Variants in TBL1X observed in about 807,000 individuals in gnomAD.
TBL1X encodes F-box-like/WD repeat-containing protein TBL1X.
A neutral mutation model predicts 50.7 loss-of-function variants in TBL1X; 10 were observed. The observed-to-expected ratio is 0.20, with a 90% CI of 0.12 to 0.33. The LOEUF (loss-of-function observed/expected upper bound fraction) is 0.33, where lower values mean the gene tolerates loss of function less well. TBL1X is among the 10% of genes least tolerant of loss of function. The pLI is 1.00. For synonymous variants in TBL1X, 190 were observed against 214.7 expected (o/e 0.88, Z 1.01); for missense variants, 340 against 504.4 (o/e 0.67, Z 3.12).
intron 9 of TBL1X, 56 bp downstream of exon 9, chrX:9,692,310 A>G: frequency 8.8e-7 from 1 of 1,142,144 alleles, no homozygotes; most frequent in South Asian, 2.2e-5. Context: ...GCCAGCCACC[A>G]GGCAGGGGCT....
At chrX:9,697,512 C>G in intron 12 of TBL1X, 83 bp downstream of exon 12, 5 of 1,162,321 alleles carry the variant, frequency 4.3e-6, no homozygotes, top group Non-Finnish European at 5.8e-6. Flanking sequence ...TGGCTTACGC[C>G]TGTAATCCCA....
At chrX:9,530,184 G>A (rs2082153153) in intron 2 of TBL1X, among the ~76,000 whole-genome samples, 1 of 112,009 alleles carries the variant, frequency 8.9e-6, no homozygotes, top group Non-Finnish European at 1.9e-5. Flanking sequence ...GCATTTATAA[G>A]CCAGGTGGCA....
At chrX:9,660,143 C>T (rs1258124123) in intron 5 of TBL1X, among the ~76,000 whole-genome samples, 2 of 112,934 alleles carry the variant, frequency 1.8e-5, no homozygotes, top group African/African-American at 3.2e-5. Flanking sequence ...GGCCCTGTGG[C>T]GGCCACGAAA....
intron 7 of TBL1X, among the ~76,000 whole-genome samples, chrX:9,690,794 T>C (rs897125369): frequency 3.6e-5 from 4 of 111,600 alleles, no homozygotes; most frequent in African/African-American, 1.3e-4. Context: ...AGTGGCACAA[T>C]CATAGCTCAC....
rs1411366348 is a variant in TBL1X at position 9,709,116 on chromosome X, T to C, written c.1237-132T>C. 8.9e-6 allele frequency: 5 copies of C among 563,234 alleles called. No homozygotes were observed. In the Admixed American group the frequency reaches 1.1e-4, roughly 12 times the overall value. 46.4% of individuals were successfully genotyped at this position (563,234 alleles called of 1,213,427 possible). Reference sequence around the variant, plus strand: ...GGAAACTAGATGGCTGGTTGGGCTGTGCCCTTTGATGTCAGGCTGAAGCCG... The same window carrying C: ...GGAAACTAGATGGCTGGTTGGGCTGCGCCCTTTGATGTCAGGCTGAAGCCG... On this transcript the variant is annotated intron_variant, in intron 13 of 17. Coordinates refer to ENST00000645353, the MANE Select transcript of TBL1X (RefSeq NM_005647.4).
chrX:9,551,031 G>T (rs2082268453), intron 2 of TBL1X, among the ~76,000 whole-genome samples: 1 of 111,217 alleles, frequency 9.0e-6, no homozygotes, highest in Non-Finnish European at 1.9e-5. Context: ...CTGCCTCGGG[G>T]GATGTGTAGG....
At chrX:9,537,230 CT>C (rs1256214171) in intron 2 of TBL1X, among the ~76,000 whole-genome samples, 1 of 111,378 alleles carries the variant, frequency 9.0e-6, no homozygotes, top group Non-Finnish European at 1.9e-5. Context: ...TTAAAAGGTC[CT>C]GATATTCTTG....
chrX:9,675,805 C>T lies in TBL1X; in HGVS notation c.212-8238C>T, dbSNP rs376486179. Among the ~76,000 whole-genome samples the T allele has an allele frequency of 4.9e-4, 53 of 108,008 alleles. 2 individuals are homozygous for T. In the East Asian group the frequency reaches 0.011, roughly 23 times the overall value. 93.8% of individuals were successfully genotyped at this position (108,008 alleles called of 115,157 possible). A position where few individuals can be genotyped will look rare whatever the true frequency, so the allele number is the denominator to read the frequency against. On this transcript the variant is annotated intron_variant, in intron 5 of 17. Transcript: ENST00000645353. ...ATTCGAGAGGCTGAGGCAGGAGAAT[C>T]GCTTGAACCTGCGAGGCGGAGGTTG...
chrX:9,507,565 A>G (rs192304625), intron 2 of TBL1X, among the ~76,000 whole-genome samples: 3 of 112,410 alleles, frequency 2.7e-5, no homozygotes, highest in East Asian at 2.8e-4. Flanking sequence ...TACCATTGAC[A>G]TTCTTCACAG....
At chrX:9,639,473 T>C (rs1010471679) in intron 2 of TBL1X, among the ~76,000 whole-genome samples, 2 of 112,111 alleles carry the variant, frequency 1.8e-5, no homozygotes, top group Non-Finnish European at 1.9e-5. Flanking sequence ...AGAAATTTTA[T>C]AAGGTAAATA....
At position 9,563,028 on chromosome X, in the gene TBL1X, G is replaced by A. The variant is rs1348085405; in HGVS notation, c.-131+61179G>A. ...TATATCTGTGGTATTTATGGAATGA[G>A]TGAAACATGCAAGGAGAATGCCCTG... On this transcript the variant is annotated intron_variant, in intron 2 of 17. Transcript: ENST00000645353. 2.7e-5 allele frequency among the ~76,000 whole-genome samples: 3 copies of A among 112,541 alleles called. No individual in the cohort carries two copies. The East Asian group carries it at 8.4e-4, about 31-fold the overall frequency.
rs1214127364 is a variant in TBL1X, at chrX:9,591,725, A to T, written c.-130-48548A>T. Among the ~76,000 whole-genome samples the T allele has an allele frequency of 2.7e-5, 3 of 111,603 alleles. No homozygotes were observed. In the South Asian group the frequency reaches 1.1e-3, roughly 43 times the overall value. The stretch of plus-strand genomic sequence containing the variant: ...CCAGAGCTCAGAGAGGTGACACCTG[A>T]GCCAAGTGACACACACATGATAAAG... On this transcript the variant is annotated intron_variant, in intron 2 of 17. Coordinates refer to ENST00000645353, the MANE Select transcript of TBL1X (RefSeq NM_005647.4).
chrX:9,486,519 C>CTA (rs766771477), intron 1 of TBL1X, among the ~76,000 whole-genome samples: 10 of 110,979 alleles, frequency 9.0e-5, no homozygotes, highest in Non-Finnish European at 1.9e-4. Flanking sequence ...TAAGCATGAG[C>CTA]TACCAGGCCT....
chrX:9,627,345 T>C (rs1268975272), intron 2 of TBL1X, among the ~76,000 whole-genome samples: 1 of 112,097 alleles, frequency 8.9e-6, no homozygotes, highest in African/African-American at 3.2e-5. Flanking sequence ...ATCTGAATTT[T>C]ACATAATGAG....
chrX:9,526,843 G>C (rs1278769546), intron 2 of TBL1X, among the ~76,000 whole-genome samples: 1 of 112,020 alleles, frequency 8.9e-6, no homozygotes, highest in Non-Finnish European at 1.9e-5. Context: ...GGGGAAAGTT[G>C]CTTTCTGCCC....
intron 5 of TBL1X, among the ~76,000 whole-genome samples, chrX:9,676,701 ATGT>A (rs1396323443): frequency 8.9e-6 from 1 of 112,250 alleles, no homozygotes; most frequent in Non-Finnish European, 1.9e-5. Flanking sequence ...CTGTAGCAAA[ATGT>A]TGTTGGAGGT....
At chrX:9,683,991 C>T in intron 5 of TBL1X, 52 bp from the exon 6 acceptor site, 1 of 1,209,856 alleles carries the variant, frequency 8.3e-7, no homozygotes, top group Non-Finnish European at 1.1e-6. Context: ...GGCTGCACCT[C>T]CCTCCTTCAA....
chrX:9,696,441 A>T (rs1239260323), intron 11 of TBL1X, among the ~76,000 whole-genome samples: 11 of 113,036 alleles, frequency 9.7e-5, no homozygotes, highest in African/African-American at 3.5e-4. Flanking sequence ...TTTCCAATTA[A>T]GTTGAAAATT....
intron 2 of TBL1X, among the ~76,000 whole-genome samples, chrX:9,543,430 C>T (rs777425735): frequency 2.7e-5 from 3 of 111,351 alleles, no homozygotes; most frequent in African/African-American, 9.8e-5. Context: ...TTTCCTGATT[C>T]GAAGAGACTT....
Sources: allele counts gnomAD v4.1 joint callset (sites outside exome capture counted in the v4.1 genomes callset), GRCh38; gene constraint gnomAD v4.1.1; transcripts MANE v1.5; gene names NCBI Gene and HGNC (gene_info 2026-07-23, HGNC 2026-07-21).